The following SLC12A8 variants were observed in gnomAD, a reference collection of about 807,000 sequenced individuals.
The protein encoded by SLC12A8 is solute carrier family 12 member 8.
Under a neutral mutation model 75.6 loss-of-function variants are expected in SLC12A8, and 69 were observed. The observed-to-expected ratio is 0.91, with a 90% CI of 0.75 to 1.11. The LOEUF is 1.11. Ranked by LOEUF, SLC12A8 falls within the 50% of genes most tolerant of loss-of-function variation. SLC12A8 has a pLI of 0.00. For missense variants in SLC12A8, 877 were observed against 896.7 expected, an observed-to-expected ratio of 0.98 and a Z score of 0.28; for synonymous variants, 365 against 372.8, an observed-to-expected ratio of 0.98 and a Z score of 0.24.
At chr3:125,180,714 T>C (rs1474672373) in intron 4 of SLC12A8, among the ~76,000 whole-genome samples, 1 of 152,168 alleles carries the variant, frequency 6.6e-6, no homozygotes, top group Non-Finnish European at 1.5e-5. Context: ...TATTATGACT[T>C]TGTTATTATT....
intron 5 of SLC12A8, among the ~76,000 whole-genome samples, chr3:125,176,364 C>T (rs1223385917): frequency 6.6e-6 from 1 of 152,242 alleles, no homozygotes; most frequent in Non-Finnish European, 1.5e-5. Context: ...AGCCACTGTG[C>T]CTGGCCTGGT....
At chr3:125,097,528 TTGTGTGTGTG>T (rs147038912) in intron 10 of SLC12A8, among the ~76,000 whole-genome samples, 5,343 of 139,364 alleles carry the variant, frequency 0.038, 156 homozygotes, top group African/African-American at 0.078. Context: ...CTAAAGGGAA[TTGTGTGTGTG>T]TGTGTGTGTG....
intron 5 of SLC12A8, among the ~76,000 whole-genome samples, chr3:125,143,030 T>C (rs1355223306): frequency 3.3e-5 from 5 of 152,242 alleles, no homozygotes; most frequent in African/African-American, 1.2e-4. Flanking sequence ...AGAGATTACA[T>C]GGAAGGGCAG....
intron 5 of SLC12A8, among the ~76,000 whole-genome samples, chr3:125,176,481 C>T (rs570286361): frequency 2.6e-5 from 4 of 152,264 alleles, no homozygotes; most frequent in Non-Finnish European, 5.9e-5. Context: ...AAATGGGATA[C>T]AATTAAACTA....
At chr3:125,088,016 T>A in intron 13 of SLC12A8, 1 of 397,224 alleles carries the variant, frequency 2.5e-6, no homozygotes, top group Non-Finnish European at 4.6e-6. Context: ...TCACTGAGAG[T>A]AGTGACTTAT....
intron 4 of SLC12A8, among the ~76,000 whole-genome samples, chr3:125,186,509 A>G (rs914135335): frequency 6.6e-6 from 1 of 152,190 alleles, no homozygotes; most frequent in Non-Finnish European, 1.5e-5. Flanking sequence ...CTGTTTTTTC[A>G]ACCACCCACC....
chr3:125,103,883 C>T (rs1309550568), intron 10 of SLC12A8, among the ~76,000 whole-genome samples: 2 of 152,040 alleles, frequency 1.3e-5, no homozygotes, highest in African/African-American at 4.8e-5. Context: ...TTCCTCCTGT[C>T]TCAGCCTCCC....
At chr3:125,121,876 G>C (rs955013021) in intron 6 of SLC12A8, among the ~76,000 whole-genome samples, 1 of 152,164 alleles carries the variant, frequency 6.6e-6, no homozygotes, top group African/African-American at 2.4e-5. Context: ...ATGCTGGCCC[G>C]CGGATGGGGT....
In SLC12A8 at chr3:125,135,776, C is replaced by A. The variant is rs929566765; in HGVS notation, c.629G>T (p.Gly210Val). Residue 210 changes from glycine to valine, a missense_variant, in exon 6 of 14, where the codon GGT (glycine) becomes GTT (valine). Physicochemically the swap from Gly to Val is moderately radical, Grantham distance 109. Coordinates refer to ENST00000469902, the MANE Select transcript of SLC12A8 (RefSeq NM_024628.6). ...CAGTTCGGGTGAATATCCAATGAAACCATGTTCTGAAATAAAGCAATGGAG... is the reference window on the plus strand; with the variant it reads ...CAGTTCGGGTGAATATCCAATGAAAACATGTTCTGAAATAAAGCAATGGAG... ...GSFTHLDPEH[G>V]FIGYSPELLQ... The A allele has an allele frequency of 1.9e-5, 30 of 1,597,312 alleles. No homozygotes were observed. The highest frequency in any genetic ancestry group is 2.5e-5 in the Non-Finnish European group (29 of 1,170,456).
chr3:125,114,673 C>T (rs1321000043), intron 8 of SLC12A8, among the ~76,000 whole-genome samples: 9 of 152,202 alleles, frequency 5.9e-5, no homozygotes, highest in Admixed American at 2.0e-4. Context: ...GTGATCTGCC[C>T]GCCACGCCCT....
chr3:125,201,271 G>A (rs536567200), intron 2 of SLC12A8, among the ~76,000 whole-genome samples: 53 of 152,128 alleles, frequency 3.5e-4, no homozygotes, highest in Non-Finnish European at 5.9e-4. Context: ...AGACATGGTG[G>A]CATGTGCTGT....
chr3:125,093,721 G>A (rs1292294788), intron 10 of SLC12A8, among the ~76,000 whole-genome samples: 1 of 152,106 alleles, frequency 6.6e-6, no homozygotes, highest in Non-Finnish European at 1.5e-5. Flanking sequence ...TGGGGGCAGG[G>A]TCCACATCCA....
At chr3:125,087,790 T>G (rs116835342) in intron 13 of SLC12A8, among the ~76,000 whole-genome samples, 4,212 of 152,278 alleles carry the variant, frequency 0.028, 189 homozygotes, top group African/African-American at 0.093. Context: ...AAAGTTTTTT[T>G]TCTCCTTTCC....
At position 125,092,098 on chromosome 3, in the gene SLC12A8, C is replaced by T. The variant is rs1579461827; in HGVS notation, c.1803+3G>A. The T allele has an allele frequency of 6.2e-7, 1 of 1,601,916 alleles. No homozygotes were observed. Among genetic ancestry groups the T allele is most frequent in the Admixed American group, 1.7e-5 (1 of 59,796 alleles). Reference sequence around the variant, plus strand: ...CAACTGAGATCAAGATGAAGTTACTCACCCCCAACAGGGAGACCCAGGGGT... The same window carrying T: ...CAACTGAGATCAAGATGAAGTTACTTACCCCCAACAGGGAGACCCAGGGGT... On this transcript the variant is annotated splice_donor_region_variant and intron_variant, in intron 11 of 13. Transcript: ENST00000469902.
chr3:125,101,998 G>T (rs1163919347), intron 10 of SLC12A8, among the ~76,000 whole-genome samples: 4 of 152,190 alleles, frequency 2.6e-5, no homozygotes, highest in African/African-American at 9.6e-5. Flanking sequence ...GCAAAGAAAT[G>T]AGTTTAATAT....
chr3:125,089,980 T>G (rs1313286498), intron 12 of SLC12A8, among the ~76,000 whole-genome samples: 5 of 152,068 alleles, frequency 3.3e-5, no homozygotes, highest in African/African-American at 1.2e-4. Context: ...CACTCTGCTT[T>G]CTTCTTTGAA....
chr3:125,085,457 C>T (rs1579457441), intron 13 of SLC12A8, among the ~76,000 whole-genome samples: 1 of 152,290 alleles, frequency 6.6e-6, no homozygotes, highest in East Asian at 1.9e-4. Context: ...CCAAAACACA[C>T]CCTACATTCT....
intron 5 of SLC12A8, among the ~76,000 whole-genome samples, chr3:125,169,494 G>C (rs963350068): frequency 7.9e-5 from 12 of 152,176 alleles, no homozygotes; most frequent in Non-Finnish European, 7.3e-5. Context: ...ACAAGACATA[G>C]AGTGAGGGTG....
At chr3:125,161,879 C>G (rs188211906) in intron 5 of SLC12A8, among the ~76,000 whole-genome samples, 1 of 152,264 alleles carries the variant, frequency 6.6e-6, no homozygotes, top group Non-Finnish European at 1.5e-5. Context: ...CCTTTCCTTG[C>G]AAACAAAAAA....
Sources: allele counts gnomAD v4.1 joint callset (sites outside exome capture counted in the v4.1 genomes callset), GRCh38; gene constraint gnomAD v4.1.1; transcripts MANE v1.5; gene names NCBI Gene and HGNC (gene_info 2026-07-23, HGNC 2026-07-21).